Variants in SMC1A observed in about 807,000 individuals in gnomAD.
SMC1A encodes the protein structural maintenance of chromosomes protein 1A.
A neutral mutation model predicts 94.5 loss-of-function variants in SMC1A; 4 were observed. That is an observed-to-expected ratio of 0.04 (90% confidence interval 0.02 to 0.10). The LOEUF (loss-of-function observed/expected upper bound fraction) is 0.10, where lower values mean the gene tolerates loss of function less well. SMC1A is among the 10% of genes least tolerant of loss of function. The pLI is 1.00. For synonymous variants in SMC1A, 345 were observed against 347.7 expected (o/e 0.99, Z 0.09); for missense variants, 304 against 989.0 (o/e 0.31, Z 9.29).
chrX:53,415,045 G>A lies in SMC1A; in HGVS notation c.234C>T (p.Ala78=). 1 of 1,211,125 alleles carries A rather than the reference G, an allele frequency of 8.3e-7. No individual in the cohort carries two copies. The change falls in exon 2 of 25, where the codon GCC becomes GCT. Residue 78 remains alanine, a synonymous_variant. Coordinates refer to ENST00000322213, the MANE Select transcript of SMC1A (RefSeq NM_006306.4). ...CCTCAGAGTAGACCATGCTGACAAA[G>A]GCCCGGTTGGCAGCTGGCTTGCCCA... ...APVGKPAANR[A]FVSMVYSEEG...
chrX:53,389,144 G>A (rs1289054253), intron 19 of SMC1A, among the ~76,000 whole-genome samples: 3 of 104,797 alleles, frequency 2.9e-5, no homozygotes, highest in Admixed American at 1.0e-4. Flanking sequence ...TCGGGGGGGT[G>A]AAGGGAACAT....
Position 53,381,115 on chromosome X carries a change from C to A in SMC1A, c.3438-28G>T, listed in dbSNP as rs782765117. On this transcript the variant is annotated intron_variant, in intron 22 of 24. Transcript: ENST00000322213. ...GGGAGGGAACCAGTAGGTGAGCTGA[C>A]ACTGAGGCGGGGAGGGGGTGGCAAG... 97 of 948,427 alleles carry A rather than the reference C, an allele frequency of 1.0e-4. 1 individual carries two copies. The South Asian group carries it at 1.7e-3, about 17-fold the overall frequency. 78.2% of individuals were successfully genotyped at this position (948,427 alleles called of 1,213,427 possible). A position where few individuals can be genotyped will look rare whatever the true frequency, so the allele number is the denominator to read the frequency against.
At chrX:53,421,765 C>G (rs954362392) in intron 1 of SMC1A, 2 of 697,279 alleles carry the variant, frequency 2.9e-6, no homozygotes, top group African/African-American at 4.4e-5. Context: ...ATTCTATTCT[C>G]CGCTGTTTCC....
chrX:53,413,470 C>T (rs1556890859), intron 3 of SMC1A, 35 bp from the exon 4 acceptor site: 2 of 1,140,195 alleles, frequency 1.8e-6, no homozygotes, highest in Admixed American at 2.2e-5. Context: ...CACTTCAGAC[C>T]CCAGCCAACC....
chrX:53,390,989 AAAAAAAAAGAAAAAG>A, intron 19 of SMC1A, among the ~76,000 whole-genome samples: 1 of 99,993 alleles, frequency 1.0e-5, no homozygotes, highest in Non-Finnish European at 2.0e-5. Flanking sequence ...AAAAAAAAAA[AAAAAAAAAGAAAAAG>A]AAAAAAAAAA....
chrX:53,401,339 A>C (rs2075669841), intron 15 of SMC1A, among the ~76,000 whole-genome samples: 1 of 111,697 alleles, frequency 9.0e-6, no homozygotes, highest in Non-Finnish European at 1.9e-5. Flanking sequence ...CATTCCCATT[A>C]CCTTCCCTAC....
chrX:53,412,738 T>C (rs183889883), intron 5 of SMC1A, among the ~76,000 whole-genome samples, 162 bp downstream of exon 5: 22 of 112,130 alleles, frequency 2.0e-4, no homozygotes, highest in Admixed American at 8.6e-4. Context: ...ATTCTATTTG[T>C]CTAAACTGCA....
At chrX:53,395,336 C>CT (rs1188729323) in intron 18 of SMC1A, among the ~76,000 whole-genome samples, 1 of 111,755 alleles carries the variant, frequency 8.9e-6, no homozygotes, top group Non-Finnish European at 1.9e-5. Flanking sequence ...AAACAAGACT[C>CT]TGTCTCAAAA....
At chrX:53,418,704 G>C (rs375037984) in intron 1 of SMC1A, among the ~76,000 whole-genome samples, 1 of 112,032 alleles carries the variant, frequency 8.9e-6, no homozygotes, top group African/African-American at 3.2e-5. Flanking sequence ...AAGTGCTGGG[G>C]TTACAGGCAT....
At chrX:53,417,068 G>A (rs782163217) in intron 1 of SMC1A, among the ~76,000 whole-genome samples, 234 of 110,370 alleles carry the variant, frequency 2.1e-3, no homozygotes, top group Non-Finnish European at 3.7e-3. Flanking sequence ...TTACAGGCAT[G>A]AGCCACCATA....
At chrX:53,389,704 C>T (rs1014689753) in intron 19 of SMC1A, among the ~76,000 whole-genome samples, 9 of 108,273 alleles carry the variant, frequency 8.3e-5, no homozygotes, top group South Asian at 3.9e-4. Context: ...CACACCAGCC[C>T]GTGATAGTAC....
In SMC1A at chrX:53,380,612, C is replaced by T. The variant is rs782319907; in HGVS notation, c.3618+8G>A. On this transcript the variant is annotated splice_region_variant and intron_variant, in intron 24 of 24. Transcript: ENST00000322213. ...GTAGGACTGGCTCCTGAGCCAGGCCCGCCCTACCTCAGGATAGACTCCAAT... is the reference window on the plus strand; with the variant it reads ...GTAGGACTGGCTCCTGAGCCAGGCCTGCCCTACCTCAGGATAGACTCCAAT... 2.0e-5 allele frequency: 23 copies of T among 1,124,849 alleles called. No homozygotes were observed. In the South Asian group the frequency reaches 3.1e-4, roughly 15 times the overall value. 92.7% of individuals were successfully genotyped at this position (1,124,849 alleles called of 1,213,427 possible).
At position 53,378,411 on chromosome X, in the gene SMC1A, T is replaced by C. The variant is rs782086149; in HGVS notation, c.*1692A>G. 23 of 112,857 alleles carry C rather than the reference T, an allele frequency of 2.0e-4. No homozygotes were observed. Among genetic ancestry groups the C allele is most frequent in the Admixed American group, 1.9e-3 (20 of 10,632 alleles). The allele number at this position is 112,857 out of a possible 1,213,427, so 9.3% of individuals were successfully genotyped here. Reference sequence around the variant, plus strand: ...ATGGATTGAGCTACATTAAGTAACATGCACAGATCTCAAAAACATCGTTAA... The same window carrying C: ...ATGGATTGAGCTACATTAAGTAACACGCACAGATCTCAAAAACATCGTTAA... On this transcript the variant is annotated 3_prime_UTR_variant, in exon 25 of 25. Coordinates refer to ENST00000322213, the MANE Select transcript of SMC1A (RefSeq NM_006306.4).
chrX:53,407,861 C>G (rs1230823064), intron 9 of SMC1A, among the ~76,000 whole-genome samples: 1 of 111,280 alleles, frequency 9.0e-6, no homozygotes, highest in Admixed American at 9.6e-5. Context: ...AACACAGCCC[C>G]CATGCTATCA....
intron 1 of SMC1A, among the ~76,000 whole-genome samples, chrX:53,421,701 C>T (rs1181452732): frequency 1.8e-5 from 2 of 112,382 alleles, no homozygotes; most frequent in Non-Finnish European, 3.8e-5. Context: ...TTATTTTCTC[C>T]TTATCTTCTT....
At chrX:53,383,044 T>C (rs923257557) in intron 20 of SMC1A, 53 bp downstream of exon 20, 1 of 1,133,477 alleles carries the variant, frequency 8.8e-7, no homozygotes, top group Non-Finnish European at 1.2e-6. Context: ...GCCCGTGGCA[T>C]ACCCTTAGCC....
At chrX:53,396,938 G>A (rs2075653423) in intron 16 of SMC1A, among the ~76,000 whole-genome samples, 1 of 112,077 alleles carries the variant, frequency 8.9e-6, no homozygotes, top group African/African-American at 3.2e-5. Context: ...TTGATTTACA[G>A]ACAGTTTTAC....
At chrX:53,396,978 C>T (rs1038774583) in intron 16 of SMC1A, among the ~76,000 whole-genome samples, 1 of 111,158 alleles carries the variant, frequency 9.0e-6, no homozygotes, top group African/African-American at 3.3e-5. Context: ...AATTAAAACT[C>T]TGTATTCTGA....
intron 19 of SMC1A, among the ~76,000 whole-genome samples, chrX:53,384,083 T>C (rs1556886230): frequency 9.1e-6 from 1 of 110,210 alleles, no homozygotes; most frequent in Non-Finnish European, 1.9e-5. Flanking sequence ...TGGGTATAAA[T>C]AAGTATAATA....
Sources: allele counts gnomAD v4.1 joint callset (sites outside exome capture counted in the v4.1 genomes callset), GRCh38; gene constraint gnomAD v4.1.1; transcripts MANE v1.5; gene names NCBI Gene and HGNC (gene_info 2026-07-23, HGNC 2026-07-21).